GRK3: variants seen among roughly 807,000 people sequenced by gnomAD.
The protein encoded by GRK3 is G protein-coupled receptor kinase 3.
Under a neutral mutation model 95.7 loss-of-function variants are expected in GRK3, and 54 were observed. That is an observed-to-expected ratio of 0.56 (90% CI 0.45 to 0.71). The LOEUF (loss-of-function observed/expected upper bound fraction) is 0.71. GRK3 is among the 30% of genes least tolerant of loss of function. The pLI is 0.00. For synonymous variants in GRK3, 281 were observed against 290.8 expected (o/e 0.97, Z 0.34); for missense variants, 649 against 851.2 (o/e 0.76, Z 2.96).
intron 3 of GRK3, chr22:25,647,434 CA>C (rs2084793591): frequency 6.1e-6 from 8 of 1,312,504 alleles, no homozygotes; most frequent in Non-Finnish European, 7.7e-6. Flanking sequence ...CTTTCCATTC[CA>C]TTATACCATT....
chr22:25,672,488 TA>T, intron 7 of GRK3, 141 bp downstream of exon 7: 1 of 605,308 alleles, frequency 1.7e-6, no homozygotes, highest in Non-Finnish European at 3.0e-6. Context: ...CTTTAAGTAC[TA>T]AGCATTCACC....
intron 4 of GRK3, 38 bp from the exon 5 acceptor site, chr22:25,663,592 A>C: frequency 7.1e-7 from 1 of 1,406,702 alleles, no homozygotes. Flanking sequence ...GATTGGTTAC[A>C]TTTTATTATT....
chr22:25,696,009 A>G (rs1038315144), intron 13 of GRK3, among the ~76,000 whole-genome samples: 3 of 151,312 alleles, frequency 2.0e-5, no homozygotes, highest in Admixed American at 6.6e-5. Flanking sequence ...AATTTTTTGT[A>G]TTTTTTCAGT....
chr22:25,721,907 A>G (rs981846095), intron 20 of GRK3, among the ~76,000 whole-genome samples: 15 of 152,230 alleles, frequency 9.9e-5, no homozygotes, highest in African/African-American at 2.7e-4. Flanking sequence ...CATTTTTACT[A>G]ACATCAGTAC....
At position 25,713,754 on chromosome 22, in the gene GRK3, G is replaced by A. The variant is rs564795957; in HGVS notation, c.1492-654G>A. On this transcript the variant is annotated intron_variant, in intron 17 of 20. Transcript: ENST00000324198. ...GCAGAAAGAAGAATTTTGAATAATC[G>A]TTTAGAAGAAAAATGCTACCATTAA... is the stretch of plus-strand genomic sequence containing the variant. 6.7e-4 allele frequency among the ~76,000 whole-genome samples: 102 copies of A among 152,256 alleles called. 2 individuals carry two copies. The South Asian group carries it at 9.1e-3, about 14-fold the overall frequency.
Position 25,661,670 on chromosome 22 carries a change from G to C in GRK3, c.359G>C (p.Cys120Ser). Residue 120 changes from cysteine (C) to serine (S), a missense_variant, in exon 4 of 21, where the codon TGT becomes TCT. By Grantham distance (112) the Cys-to-Ser change is moderately radical (BLOSUM62 -1). This residue lies in a region of GRK3 where 206 missense variants were observed against 231.4 expected (regional missense o/e 0.89). Coordinates refer to ENST00000324198, the MANE Select transcript of GRK3 (RefSeq NM_005160.4). Reference sequence around the variant, plus strand: ...TACATCATGAAGGAACTTCTTTCCTGTTCACATGTAAGTATTTCTTCTTAC... The same window carrying C: ...TACATCATGAAGGAACTTCTTTCCTCTTCACATGTAAGTATTTCTTCTTAC... ...DAYIMKELLS[C>S]SHPFSKQAVE... 1 of 1,600,084 alleles carries C rather than the reference G, an allele frequency of 6.2e-7. No individual in the cohort carries two copies. The highest frequency in any genetic ancestry group is 8.6e-7 in the Non-Finnish European group (1 of 1,168,426).
Position 25,718,397 on chromosome 22 carries a change from C to A in GRK3, c.1791+16C>A. 6.2e-7 allele frequency: 1 copy of A among 1,612,754 alleles called. No individual in the cohort carries two copies. Among genetic ancestry groups the A allele is most frequent in the Non-Finnish European group, 8.5e-7 (1 of 1,179,276 alleles). On this transcript the variant is annotated intron_variant, in intron 19 of 20. Coordinates refer to ENST00000324198, the MANE Select transcript of GRK3 (RefSeq NM_005160.4). ...AGAGTCCCGGGTAAGTCTAAGGCAG[C>A]CTCACCGAGCATGTTTCCCAGTACG...
intron 9 of GRK3, among the ~76,000 whole-genome samples, chr22:25,679,209 T>A (rs1263326741): frequency 6.6e-6 from 1 of 152,194 alleles, no homozygotes. Context: ...ATCACTGGAA[T>A]ATAGTCAAGA....
chr22:25,720,651 A>G (rs1188223643), intron 19 of GRK3, among the ~76,000 whole-genome samples: 1 of 151,572 alleles, frequency 6.6e-6, no homozygotes, highest in Non-Finnish European at 1.5e-5. Flanking sequence ...TAATTTTTGT[A>G]TTTTTAGTAG....
intron 1 of GRK3, among the ~76,000 whole-genome samples, chr22:25,582,842 G>A (rs1411616045): frequency 2.6e-5 from 4 of 152,148 alleles, no homozygotes; most frequent in Admixed American, 2.0e-4. Context: ...ATACAAAAAA[G>A]GAATATATTC....
At chr22:25,696,056 C>T (rs371860462) in intron 13 of GRK3, among the ~76,000 whole-genome samples, 2 of 152,012 alleles carry the variant, frequency 1.3e-5, no homozygotes, top group Non-Finnish European at 2.9e-5. Flanking sequence ...AGGATGGTCT[C>T]GATCTCCTGA....
chr22:25,613,999 C>A (rs947059160), intron 2 of GRK3, among the ~76,000 whole-genome samples: 1 of 151,184 alleles, frequency 6.6e-6, no homozygotes, highest in Non-Finnish European at 1.5e-5. Flanking sequence ...ATTATCATCG[C>A]CCCACCCAAA....
rs544108049 is a variant in GRK3, at chr22:25,690,418, G to C, written c.1052+135G>C. 7 of 665,766 alleles carry C rather than the reference G, an allele frequency of 1.1e-5. No individual in the cohort carries two copies. The East Asian group carries it at 1.7e-4, about 16-fold the overall frequency. The allele number at this position is 665,766 out of a possible 1,614,324, so 41.2% of individuals were successfully genotyped here. A position where few individuals can be genotyped will look rare whatever the true frequency, so the allele number is the denominator to read the frequency against. The stretch of plus-strand genomic sequence containing the variant: ...GAAGATCCAACATCACAGGTCGTGG[G>C]AAAGGAGATAAGAACAGGATGCCTT... On this transcript the variant is annotated intron_variant, in intron 12 of 20. Coordinates refer to ENST00000324198, the MANE Select transcript of GRK3 (RefSeq NM_005160.4).
At chr22:25,573,545 A>G (rs967378146) in intron 1 of GRK3, among the ~76,000 whole-genome samples, 1 of 152,218 alleles carries the variant, frequency 6.6e-6, no homozygotes, top group Non-Finnish European at 1.5e-5. Context: ...ATTATGGACT[A>G]AAATATTTCA....
intron 1 of GRK3, among the ~76,000 whole-genome samples, chr22:25,569,744 A>G (rs1282522831): frequency 6.6e-6 from 1 of 152,200 alleles, no homozygotes; most frequent in East Asian, 1.9e-4. Context: ...GGGAAAGAGA[A>G]GTTTAACGTC....
At chr22:25,621,369 T>A (rs2084584997) in intron 2 of GRK3, among the ~76,000 whole-genome samples, 1 of 152,234 alleles carries the variant, frequency 6.6e-6, no homozygotes. Flanking sequence ...GCAAGATAAT[T>A]GCCCAGAACT....
chr22:25,721,419 G>A (rs770021302), intron 20 of GRK3, 22 bp downstream of exon 20: 3 of 1,319,106 alleles, frequency 2.3e-6, no homozygotes, highest in Non-Finnish European at 3.2e-6. Flanking sequence ...TTTTTTCTTA[G>A]GTGAATGTTA....
chr22:25,615,685 T>C (rs932671221), intron 2 of GRK3, among the ~76,000 whole-genome samples: 1 of 143,210 alleles, frequency 7.0e-6, no homozygotes, highest in African/African-American at 2.7e-5. Flanking sequence ...ATCCACACCC[T>C]TATGGAGTTA....
Position 25,604,368 on chromosome 22 carries a change from C to A in GRK3, c.114-9C>A. On this transcript the variant is annotated splice_polypyrimidine_tract_variant and intron_variant, in intron 1 of 20. Transcript: ENST00000324198. ...GTATTGTTAAAAATGTGTCACTCTT[C>A]CCTTCCAGTATCCGGAGTGTGATGC... 2.5e-6 allele frequency: 4 copies of A among 1,604,264 alleles called. No individual in the cohort carries two copies. The highest frequency in any genetic ancestry group is 3.4e-6 in the Non-Finnish European group (4 of 1,174,706).
Sources: gnomAD v4.1 joint callset for allele counts (sites outside exome capture counted in the v4.1 genomes callset) on GRCh38, gnomAD v4.1.1 for gene constraint, gnomAD v4.1.1 regional missense constraint, MANE v1.5 for transcripts, NCBI Gene and HGNC (gene_info 2026-07-23, HGNC 2026-07-21) for gene names.